CAPRIN1: variants seen among roughly 807,000 people sequenced by gnomAD.
CAPRIN1 encodes the protein cell cycle associated protein 1.
A neutral mutation model predicts 100.9 loss-of-function variants in CAPRIN1; 29 were observed. That is an observed-to-expected ratio of 0.29 (90% CI 0.21 to 0.39). The LOEUF (loss-of-function observed/expected upper bound fraction) is 0.39, where lower values mean the gene tolerates loss of function less well. CAPRIN1 is among the 10% of genes least tolerant of loss of function. The pLI, the probability that CAPRIN1 is intolerant of heterozygous loss-of-function variation, is 1.00. For missense variants in CAPRIN1, 795 were observed against 876.7 expected (o/e 0.91, Z 1.18); for synonymous variants, 338 against 307.5 (o/e 1.10, Z -1.04).
chr11:34,086,528 T>C (rs1011074051), intron 11 of CAPRIN1, 115 bp downstream of exon 11: 2 of 597,610 alleles, frequency 3.3e-6, no homozygotes, highest in Non-Finnish European at 5.9e-6. Context: ...ATTTTGACTC[T>C]TAGGTCTTTT....
intron 4 of CAPRIN1, among the ~76,000 whole-genome samples, chr11:34,075,129 C>A (rs1850881616): frequency 6.6e-6 from 1 of 152,022 alleles, no homozygotes. Context: ...CTCACTGTAG[C>A]TATCACTTGC....
chr11:34,059,994 G>A lies in CAPRIN1; in HGVS notation c.216+7358G>A, dbSNP rs1251225169. Among the ~76,000 whole-genome samples the A allele has an allele frequency of 6.0e-5, 9 of 149,230 alleles. No homozygotes were observed. The Admixed American group carries it at 6.1e-4, about 10-fold the overall frequency. On this transcript the variant is annotated intron_variant, in intron 2 of 18. Transcript: ENST00000341394. Reference sequence around the variant, plus strand: ...GTGGATCACCTGAGGTCAGGAGTTCGAGACCAGCCTGGCCAACCTGTGAAA... The same window carrying A: ...GTGGATCACCTGAGGTCAGGAGTTCAAGACCAGCCTGGCCAACCTGTGAAA...
chr11:34,088,531 T>C (rs998403284), intron 11 of CAPRIN1, among the ~76,000 whole-genome samples: 27 of 151,892 alleles, frequency 1.8e-4, no homozygotes, highest in African/African-American at 6.0e-4. Flanking sequence ...AAAGTTAGCT[T>C]GGCAGGGTGG....
intron 2 of CAPRIN1, among the ~76,000 whole-genome samples, chr11:34,068,869 A>G (rs933219385): frequency 2.6e-5 from 4 of 152,172 alleles, no homozygotes; most frequent in Non-Finnish European, 1.5e-5. Context: ...TTTTGGTTAG[A>G]TATACAAACT....
Position 34,052,480 on chromosome 11 carries a change from G to A in CAPRIN1, c.60G>A (p.Pro20=), listed in dbSNP as rs967434861. The A allele has an allele frequency of 2.5e-6, 4 of 1,607,836 alleles. No individual in the cohort carries two copies. The highest frequency in any genetic ancestry group is 2.5e-6 in the Non-Finnish European group (3 of 1,178,660). ...GCAAGTCGTCCGGACCGCCACCGCC[G>A]TCGGGTTCCTCCGGGAGTGAGGCGG... ...SGSKSSGPPP[P]SGSSGSEAAA... is the part of the protein sequence containing the mutation. The change falls in exon 2 of 19, where the codon CCG becomes CCA. Residue 20 remains proline (P), a synonymous_variant. Transcript: ENST00000341394.
intron 9 of CAPRIN1, among the ~76,000 whole-genome samples, chr11:34,084,347 G>A (rs1565093633): frequency 6.6e-6 from 1 of 152,170 alleles, no homozygotes; most frequent in South Asian, 2.1e-4. Context: ...ACTTACCCCA[G>A]AAAGGTACTT....
intron 9 of CAPRIN1, among the ~76,000 whole-genome samples, chr11:34,085,458 T>TA (rs11397020): frequency 0.24 from 36,014 of 152,122 alleles, 5,425 homozygotes; most frequent in Middle Eastern, 0.39. Context: ...TTAAGAAAAA[T>TA]ACATTATTTT....
chr11:34,069,063 TTC>T (rs1850757317), intron 2 of CAPRIN1, among the ~76,000 whole-genome samples: 1 of 152,174 alleles, frequency 6.6e-6, no homozygotes, highest in Admixed American at 6.5e-5. Context: ...TTTGCGTATT[TTC>T]TGTTTGTATA....
At chr11:34,075,052 C>CTT (rs796579666) in intron 4 of CAPRIN1, among the ~76,000 whole-genome samples, 2 of 146,910 alleles carry the variant, frequency 1.4e-5, no homozygotes, top group African/African-American at 2.5e-5. Flanking sequence ...TTAAAAAAGA[C>CTT]TTTTTTTTTT....
rs368046016 is a variant in CAPRIN1, at chr11:34,086,407, C to T, written c.1225C>T (p.Pro409Ser). ...QNMDMPQLVCPPVHSESRLAQ... is the reference protein window; with the variant it reads ...QNMDMPQLVCSPVHSESRLAQ... ...CATGGACATGCCCCAGCTGGTTTGCCCTCCAGGTTAGTAGTGGTACATTTT... is the reference window on the plus strand; with the variant it reads ...CATGGACATGCCCCAGCTGGTTTGCTCTCCAGGTTAGTAGTGGTACATTTT... Residue 409 changes from proline to serine, a missense_variant, in exon 11 of 19, where the codon CCT becomes TCT. Coordinates refer to ENST00000341394, the MANE Select transcript of CAPRIN1 (RefSeq NM_005898.5). The T allele has an allele frequency of 6.2e-7, 1 of 1,604,002 alleles. No individual in the cohort carries two copies. The highest frequency in any genetic ancestry group is 8.5e-7 in the Non-Finnish European group (1 of 1,171,770).
At chr11:34,063,691 A>G (rs747072213) in intron 2 of CAPRIN1, among the ~76,000 whole-genome samples, 8 of 152,214 alleles carry the variant, frequency 5.3e-5, no homozygotes, top group Non-Finnish European at 1.2e-4. Flanking sequence ...GATTTTTAAT[A>G]CACTTAGGAT....
At chr11:34,054,761 ATCTGGCTGC>A (rs1162606891) in intron 2 of CAPRIN1, among the ~76,000 whole-genome samples, 1 of 152,158 alleles carries the variant, frequency 6.6e-6, no homozygotes, top group East Asian at 1.9e-4. Flanking sequence ...AAGCCTGCTG[ATCTGGCTGC>A]TACTTGAGTT....
At chr11:34,099,150 C>T (rs932372030) in intron 18 of CAPRIN1, 153 bp from the exon 19 acceptor site, 1 of 1,454,458 alleles carries the variant, frequency 6.9e-7, no homozygotes, top group Non-Finnish European at 9.1e-7. Flanking sequence ...ACTTCCAGGA[C>T]AGGGGAAACT....
Position 34,076,750 on chromosome 11 carries a change from T to C in CAPRIN1, c.688+108T>C, listed in dbSNP as rs1850916520. 5 of 796,160 alleles carry C rather than the reference T, an allele frequency of 6.3e-6. No homozygotes were observed. The East Asian group carries it at 8.0e-5, about 13-fold the overall frequency. The allele number at this position is 796,160 out of a possible 1,614,324, so 49.3% of individuals were successfully genotyped here. A position where few individuals can be genotyped will look rare whatever the true frequency, so the allele number is the denominator to read the frequency against. ...GAAAAAAATTAGTTTTTTTTTTTTT[T>C]TGGAGACAGAGTCTACTCTGTTGCC... On this transcript the variant is annotated intron_variant, in intron 6 of 18. Transcript: ENST00000341394.
intron 4 of CAPRIN1, among the ~76,000 whole-genome samples, chr11:34,072,646 T>C (rs1850825440): frequency 6.6e-6 from 1 of 152,198 alleles, no homozygotes; most frequent in Non-Finnish European, 1.5e-5. Context: ...AGTGGGTTTT[T>C]GATGTGACAA....
In CAPRIN1 at chr11:34,099,474, A is replaced by ATT. The variant is rs2134141671; in HGVS notation, c.*108_*109dup. ...ATTTGTTCTCCCTTTCAGGAAACTT[A>ATT]TTGTAAAGGGACTGTTTTCATCCCA... On this transcript the variant is annotated 3_prime_UTR_variant, in exon 19 of 19. Coordinates refer to ENST00000341394, the MANE Select transcript of CAPRIN1 (RefSeq NM_005898.5). 2.2e-6 allele frequency: 2 copies of ATT among 913,016 alleles called. No homozygotes were observed. The highest frequency in any genetic ancestry group is 3.9e-5 in the Admixed American group (2 of 51,772). 56.6% of individuals were successfully genotyped at this position (913,016 alleles called of 1,614,324 possible). A position where few individuals can be genotyped will look rare whatever the true frequency, so the allele number is the denominator to read the frequency against.
At chr11:34,098,074 A>C in intron 18 of CAPRIN1, 1 of 1,042,824 alleles carries the variant, frequency 9.6e-7, no homozygotes, top group Non-Finnish European at 1.2e-6. Context: ...GGAAGTACTT[A>C]CTGAAACATT....
At chr11:34,052,803 C>G in intron 2 of CAPRIN1, 167 bp downstream of exon 2, 5 of 1,443,764 alleles carry the variant, frequency 3.5e-6, no homozygotes, top group Non-Finnish European at 4.6e-6. Flanking sequence ...GCGGGAGCTT[C>G]GTGCCCAGAA....
chr11:34,069,246 T>C (rs184889540), intron 2 of CAPRIN1, among the ~76,000 whole-genome samples: 9 of 150,466 alleles, frequency 6.0e-5, no homozygotes, highest in Admixed American at 4.0e-4. Flanking sequence ...GCCTCCCGGG[T>C]TCAAGCGATT....
Sources: gnomAD v4.1 joint callset for allele counts (sites outside exome capture counted in the v4.1 genomes callset) on GRCh38, gnomAD v4.1.1 for gene constraint, MANE v1.5 for transcripts, NCBI Gene and HGNC (gene_info 2026-07-23, HGNC 2026-07-21) for gene names.